ENOX1: variants seen among roughly 807,000 people sequenced by gnomAD.
ENOX1 encodes the protein candidate growth-related and time keeping constitutive hydroquinone (NADH) oxidase.
ENOX1 carries 42 observed loss-of-function variants against 82.5 expected under a neutral mutation model. The ratio of observed to expected loss-of-function variants is 0.51; its 90% confidence interval spans 0.40 to 0.66. ENOX1 has a LOEUF of 0.66. Among genes scored for constraint, ENOX1 ranks in the 30% least tolerant of loss-of-function variants. The pLI is 0.00. For missense variants in ENOX1, 608 were observed against 811.6 expected, an observed-to-expected ratio of 0.75 and a Z score of 3.05; for synonymous variants, 271 against 282.2, an observed-to-expected ratio of 0.96 and a Z score of 0.40.
At chr13:43,490,008 G>A (rs1220123871) in intron 2 of ENOX1, among the ~76,000 whole-genome samples, 2 of 152,022 alleles carry the variant, frequency 1.3e-5, no homozygotes, top group Non-Finnish European at 1.5e-5. Flanking sequence ...GCATGACGTC[G>A]GCTCACCACA....
At chr13:43,724,308 C>T (rs1376372924) in intron 1 of ENOX1, among the ~76,000 whole-genome samples, 2 of 152,210 alleles carry the variant, frequency 1.3e-5, no homozygotes, top group Non-Finnish European at 2.9e-5. Context: ...CTCCCTAGGA[C>T]ACAGAATGCT....
chr13:43,730,394 A>G (rs1451967501), intron 1 of ENOX1, among the ~76,000 whole-genome samples: 2 of 152,174 alleles, frequency 1.3e-5, no homozygotes, highest in East Asian at 1.9e-4. Context: ...CCAAACAAGG[A>G]CTTGGGGGTT....
intron 2 of ENOX1, among the ~76,000 whole-genome samples, chr13:43,489,206 T>C (rs2076535847): frequency 6.6e-6 from 1 of 152,076 alleles, no homozygotes; most frequent in Non-Finnish European, 1.5e-5. Context: ...TGCTAGGGCT[T>C]TGAGGGCAGA....
intron 9 of ENOX1, among the ~76,000 whole-genome samples, chr13:43,337,854 C>T (rs563343829): frequency 2.6e-5 from 4 of 152,292 alleles, no homozygotes; most frequent in Non-Finnish European, 5.9e-5. Context: ...CACGTCTGCT[C>T]TCTGAGACTC....
intron 15 of ENOX1, among the ~76,000 whole-genome samples, chr13:43,229,021 A>G (rs1352482148): frequency 1.3e-5 from 2 of 152,200 alleles, no homozygotes. Flanking sequence ...GGAGGGACCC[A>G]GTGGGAGATA....
chr13:43,269,624 T>C, intron 12 of ENOX1, 47 bp from the exon 13 acceptor site: 1 of 1,475,368 alleles, frequency 6.8e-7, no homozygotes, highest in Non-Finnish European at 9.5e-7. Context: ...GAAGGTCAGG[T>C]GATTTAAAAA....
At chr13:43,323,719 A>T (rs2047943387) in intron 10 of ENOX1, among the ~76,000 whole-genome samples, 1 of 152,208 alleles carries the variant, frequency 6.6e-6, no homozygotes, top group Non-Finnish European at 1.5e-5. Flanking sequence ...ATTTCATGTT[A>T]TGATCAATAA....
intron 1 of ENOX1, among the ~76,000 whole-genome samples, chr13:43,674,196 C>A (rs943696053): frequency 6.6e-6 from 1 of 152,156 alleles, no homozygotes; most frequent in Admixed American, 6.5e-5. Context: ...ATGTATTATG[C>A]AGCAGGAATT....
intron 12 of ENOX1, among the ~76,000 whole-genome samples, chr13:43,290,986 C>T (rs563069462): frequency 6.6e-6 from 1 of 152,212 alleles, no homozygotes; most frequent in African/African-American, 2.4e-5. Context: ...GAGATCACAC[C>T]ACTGTACTCC....
rs377154658 is a variant in ENOX1 at position 43,278,056 on chromosome 13, CATCT to C, written c.1447-8483_1447-8480del. On this transcript the variant is annotated intron_variant, in intron 12 of 16. Transcript: ENST00000690772. Reference sequence around the variant, plus strand: ...ACAATAATAAAACTAAAGGTGTATCCATCTATCATCACTATGCACCAGCAATTCT... The same window carrying C: ...ACAATAATAAAACTAAAGGTGTATCCATCATCACTATGCACCAGCAATTCT... Among the ~76,000 whole-genome samples the C allele has an allele frequency of 8.3e-4, 126 of 152,278 alleles. 1 individual carries two copies. Among genetic ancestry groups the C allele is most frequent in the African/African-American group, 2.9e-3 (122 of 41,558 alleles).
chr13:43,649,050 G>A (rs926188129), intron 2 of ENOX1, among the ~76,000 whole-genome samples: 6 of 152,210 alleles, frequency 3.9e-5, no homozygotes, highest in South Asian at 4.1e-4. Flanking sequence ...ATGTCAAAGC[G>A]TGAAGGTGGC....
chr13:43,690,906 G>A (rs1173588843), intron 1 of ENOX1, among the ~76,000 whole-genome samples: 1 of 152,202 alleles, frequency 6.6e-6, no homozygotes, highest in Non-Finnish European at 1.5e-5. Flanking sequence ...TGAGGTGGGA[G>A]AAGGGCAAGA....
chr13:43,460,802 AAAAAAAAAAAAAAAAAAAAAAAAAAAAAT>A (rs1566278648), intron 3 of ENOX1, among the ~76,000 whole-genome samples: 1 of 35,202 alleles, frequency 2.8e-5, no homozygotes, highest in South Asian at 2.3e-3. Flanking sequence ...TCAAAAAAAA[AAAAAAAAAAAAAAAAAAAAAAAAAAAAAT>A]AGGGATAGCT....
intron 2 of ENOX1, among the ~76,000 whole-genome samples, chr13:43,525,405 T>C (rs2153685060): frequency 6.6e-6 from 1 of 152,288 alleles, no homozygotes; most frequent in East Asian, 1.9e-4. Context: ...TCTTTAAACC[T>C]TGCATCAACT....
At chr13:43,560,915 T>C (rs1161105702) in intron 2 of ENOX1, among the ~76,000 whole-genome samples, 1 of 152,064 alleles carries the variant, frequency 6.6e-6, no homozygotes, top group Non-Finnish European at 1.5e-5. Context: ...CAGCCTCCTT[T>C]CTTAATCTCA....
chr13:43,370,260 G>A lies in ENOX1; in HGVS notation c.209-8808C>T, dbSNP rs994959803. Reference sequence around the variant, plus strand: ...CGGGCACCTGTAGTCCCAGCTACTCGGGAGGCTGAGGCAGGAGAATGGCAT... The same window carrying A: ...CGGGCACCTGTAGTCCCAGCTACTCAGGAGGCTGAGGCAGGAGAATGGCAT... On this transcript the variant is annotated intron_variant, in intron 5 of 16. Coordinates refer to ENST00000690772, the MANE Select transcript of ENOX1 (RefSeq NM_001347969.2). 1.4e-4 allele frequency among the ~76,000 whole-genome samples: 21 copies of A among 152,162 alleles called. No individual in the cohort carries two copies. The South Asian group carries it at 4.0e-3, about 29-fold the overall frequency.
intron 3 of ENOX1, among the ~76,000 whole-genome samples, chr13:43,424,299 C>T (rs112492129): frequency 1.0e-3 from 156 of 152,266 alleles, no homozygotes; most frequent in African/African-American, 3.6e-3. Flanking sequence ...ACTCATTTTA[C>T]ACCTTGACCC....
chr13:43,504,396 T>G (rs1215146115), intron 2 of ENOX1, among the ~76,000 whole-genome samples: 1 of 151,708 alleles, frequency 6.6e-6, no homozygotes. Context: ...TTATTCACAA[T>G]AGGCAAGATA....
intron 3 of ENOX1, among the ~76,000 whole-genome samples, chr13:43,421,883 TATAA>T (rs1184273258): frequency 1.3e-5 from 2 of 148,674 alleles, no homozygotes; most frequent in African/African-American, 4.9e-5. Context: ...TTATATAAAA[TATAA>T]ATATTTTACA....
Sources: allele counts gnomAD v4.1 joint callset (sites outside exome capture counted in the v4.1 genomes callset), GRCh38; gene constraint gnomAD v4.1.1; transcripts MANE v1.5; gene names NCBI Gene and HGNC (gene_info 2026-07-23, HGNC 2026-07-21).